The following LDLRAP1 variants were observed in gnomAD, a reference collection of about 807,000 sequenced individuals.
LDLRAP1 encodes the protein low density lipoprotein receptor adapter protein 1.
In LDLRAP1, 30 loss-of-function variants were observed where a neutral mutation model predicts 37.8. The ratio of observed to expected loss-of-function variants is 0.79; its 90% CI spans 0.59 to 1.08. LDLRAP1 has a LOEUF of 1.08. Among genes scored for constraint, LDLRAP1 ranks in the 50% least tolerant of loss-of-function variants. The probability of loss-of-function intolerance (pLI) is 0.00; values close to 1 mark genes in which losing one functional copy is unlikely to be tolerated. For synonymous variants in LDLRAP1, 156 were observed against 169.8 expected (o/e 0.92, Z 0.63); for missense variants, 375 against 401.6 (o/e 0.93, Z 0.57).
chr1:25,576,234 A>AT, the LDLRAP1 span, among the ~76,000 whole-genome samples: 1 of 148,432 alleles, frequency 6.7e-6, no homozygotes, highest in East Asian at 2.0e-4. Flanking sequence ...TCCTCAAAAA[A>AT]AACAAAAGTA....
the LDLRAP1 span, among the ~76,000 whole-genome samples, chr1:25,578,495 G>A: frequency 6.6e-6 from 1 of 152,068 alleles, no homozygotes; most frequent in Non-Finnish European, 1.5e-5. Context: ...GAAAAGGCAA[G>A]GACTAGGATC....
At chr1:25,545,554 G>C (rs2043913610) in intron 1 of LDLRAP1, among the ~76,000 whole-genome samples, 1 of 152,104 alleles carries the variant, frequency 6.6e-6, no homozygotes, top group African/African-American at 2.4e-5. Flanking sequence ...GACGCTGCCA[G>C]CATGATTAGT....
At chr1:25,550,430 G>T (rs1243870307) in intron 1 of LDLRAP1, among the ~76,000 whole-genome samples, 1 of 152,196 alleles carries the variant, frequency 6.6e-6, no homozygotes, top group Non-Finnish European at 1.5e-5. Context: ...GATGTGTGGG[G>T]TTTGATCAAG....
the LDLRAP1 span, among the ~76,000 whole-genome samples, chr1:25,581,146 T>C: frequency 1.3e-5 from 2 of 151,906 alleles, no homozygotes; most frequent in East Asian, 1.9e-4. Context: ...CAAAAGCAAA[T>C]GGGGTGTGAG....
chr1:25,583,057 G>T, the LDLRAP1 span, among the ~76,000 whole-genome samples: 1 of 151,586 alleles, frequency 6.6e-6, no homozygotes. Context: ...GGGGGACAGA[G>T]TGAGACTATC....
chr1:25,583,239 G>A, the LDLRAP1 span, among the ~76,000 whole-genome samples: 1 of 148,546 alleles, frequency 6.7e-6, no homozygotes, highest in Admixed American at 6.7e-5. Flanking sequence ...GCCCAGGCTG[G>A]AGTGCAGTGG....
At chr1:25,589,260 C>T in the LDLRAP1 span, among the ~76,000 whole-genome samples, 2 of 147,728 alleles carry the variant, frequency 1.4e-5, no homozygotes, top group African/African-American at 2.6e-5. Context: ...GCCGAGATCA[C>T]ACCACTGCAC....
intron 3 of LDLRAP1, among the ~76,000 whole-genome samples, chr1:25,556,025 T>A (rs970765535): frequency 6.6e-6 from 1 of 152,090 alleles, no homozygotes; most frequent in African/African-American, 2.4e-5. Flanking sequence ...AGTTTGTTGT[T>A]ACCAAGGACC....
At chr1:25,578,757 A>C in the LDLRAP1 span, among the ~76,000 whole-genome samples, 2 of 152,152 alleles carry the variant, frequency 1.3e-5, no homozygotes, top group Non-Finnish European at 2.9e-5. Flanking sequence ...GACTCAATCA[A>C]TCCATCCACC....
the LDLRAP1 span, among the ~76,000 whole-genome samples, chr1:25,582,500 G>A: frequency 3.3e-5 from 5 of 151,290 alleles, no homozygotes; most frequent in Middle Eastern, 3.4e-3. Flanking sequence ...CAGGAGAATC[G>A]CTTGAACCTG....
chr1:25,586,153 G>C, the LDLRAP1 span, among the ~76,000 whole-genome samples: 3 of 152,210 alleles, frequency 2.0e-5, no homozygotes, highest in Admixed American at 6.5e-5. The surrounding 1 kb of genome is among the most constrained non-coding windows in gnomAD (Gnocchi z 4.3). Context: ...AGGCAATGTG[G>C]ATGGTTTTTG....
rs538800572 is a variant in LDLRAP1, at chr1:25,544,049, G to C, written c.88+263G>C. 2.7e-4 allele frequency among the ~76,000 whole-genome samples: 41 copies of C among 152,250 alleles called. No homozygotes were observed. The highest frequency in any genetic ancestry group is 5.1e-4 in the Non-Finnish European group (35 of 67,978). ...AGCTCGGGGTCCTCAGGTGCAGCCG[G>C]CATGGGGTGGGGTGCAGGTTGGGAG... On this transcript the variant is annotated intron_variant, in intron 1 of 8. Coordinates refer to ENST00000374338, the MANE Select transcript of LDLRAP1 (RefSeq NM_015627.3). The surrounding 1 kb of genome is among the most constrained non-coding windows in gnomAD (Gnocchi z 4.8).
rs906331964 is a variant in LDLRAP1 at position 25,544,186 on chromosome 1, G to A, written c.88+400G>A. The stretch of plus-strand genomic sequence containing the variant: ...GAGGAGGAGAGGGCGCAGGGGCTTG[G>A]GAAGACGCCCCCGTCCCGCACCCCT... On this transcript the variant is annotated intron_variant, in intron 1 of 8. Transcript: ENST00000374338. The surrounding 1 kb of genome is among the most constrained non-coding windows in gnomAD (Gnocchi z 4.8). Among the ~76,000 whole-genome samples the A allele has an allele frequency of 2.0e-5, 3 of 152,074 alleles. No homozygotes were observed. The highest frequency in any genetic ancestry group is 7.2e-5 in the African/African-American group (3 of 41,436).
chr1:25,584,880 T>C, the LDLRAP1 span, among the ~76,000 whole-genome samples: 1 of 152,218 alleles, frequency 6.6e-6, no homozygotes, highest in East Asian at 1.9e-4. Context: ...CCTGCTGCTA[T>C]CCTGTTCCAC....
rs997888577 is a variant in LDLRAP1, at chr1:25,567,339, G to A, written c.*347G>A. ...AGCTCTGCCCTGGCTGTGGGTATCA[G>A]GACTGTGACCAAAGCATTTCTAGTC... is the stretch of plus-strand genomic sequence containing the variant. On this transcript the variant is annotated 3_prime_UTR_variant, in exon 9 of 9. Coordinates refer to ENST00000374338, the MANE Select transcript of LDLRAP1 (RefSeq NM_015627.3). 13 of 386,598 alleles carry A rather than the reference G, an allele frequency of 3.4e-5. No homozygotes were observed. The highest frequency in any genetic ancestry group is 3.1e-4 in the Admixed American group (8 of 25,912). 23.9% of individuals were successfully genotyped at this position (386,598 alleles called of 1,614,324 possible). A position where few individuals can be genotyped will look rare whatever the true frequency, so the allele number is the denominator to read the frequency against.
intron 5 of LDLRAP1, 73 bp from the exon 6 acceptor site, chr1:25,562,997 C>A (rs189453002): frequency 1.4e-6 from 2 of 1,450,960 alleles, no homozygotes; most frequent in Admixed American, 1.7e-5. Flanking sequence ...CCGCTAATCA[C>A]CCCTGCCCGG....
the LDLRAP1 span, among the ~76,000 whole-genome samples, chr1:25,588,170 G>C: frequency 6.6e-6 from 1 of 152,182 alleles, no homozygotes; most frequent in Admixed American, 6.5e-5. Flanking sequence ...CTCTGCCTAG[G>C]AAAGCCAGGT....
In LDLRAP1 at chr1:25,554,322, T is replaced by C. The variant is rs1027093939; in HGVS notation, c.231+258T>C. On this transcript the variant is annotated intron_variant, in intron 2 of 8. Coordinates refer to ENST00000374338, the MANE Select transcript of LDLRAP1 (RefSeq NM_015627.3). This position sits in a 1 kb window ranked among gnomAD's most constrained non-coding sequence, Gnocchi z 5.4. ...CCAGCTCAGGCTCCCTACCAATGCA[T>C]TGGTGACTTATCAGCACCAGGAAGG... Among the ~76,000 whole-genome samples the C allele has an allele frequency of 2.0e-5, 3 of 152,172 alleles. No individual in the cohort carries two copies. Among genetic ancestry groups the C allele is most frequent in the African/African-American group, 7.2e-5 (3 of 41,458 alleles).
intron 6 of LDLRAP1, 83 bp from the exon 7 acceptor site, chr1:25,563,578 G>T: frequency 6.3e-7 from 1 of 1,580,368 alleles, no homozygotes; most frequent in Non-Finnish European, 8.6e-7. Context: ...CAGAGGGGAG[G>T]GTCAGGGCCA....
Sources: allele counts gnomAD v4.1 joint callset (sites outside exome capture counted in the v4.1 genomes callset), GRCh38; gene constraint gnomAD v4.1.1; non-coding constraint Gnocchi (gnomAD v3.1); transcripts MANE v1.5; gene names NCBI Gene and HGNC (gene_info 2026-07-23, HGNC 2026-07-21).